The following RBM27 variants were observed in gnomAD, a reference collection of about 807,000 sequenced individuals.
RBM27 encodes the protein RNA binding motif protein 27.
RBM27 carries 22 observed loss-of-function variants against 135.3 expected under a neutral mutation model. The observed-to-expected ratio is 0.16, with a 90% CI of 0.12 to 0.23. The LOEUF (loss-of-function observed/expected upper bound fraction) is 0.23. Ranked by LOEUF, RBM27 falls within the 10% of genes least tolerant of loss-of-function variation. The pLI is 1.00. For missense variants in RBM27, 1,009 were observed against 1,281.0 expected (o/e 0.79, Z 3.24); for synonymous variants, 481 against 442.4 (o/e 1.09, Z -1.10).
chr5:146,261,566 G>A lies in RBM27; in HGVS notation c.1950G>A (p.Glu650=), dbSNP rs1758396463. 2 of 1,614,068 alleles carry A rather than the reference G, an allele frequency of 1.2e-6. No homozygotes were observed. Among genetic ancestry groups the A allele is most frequent in the Non-Finnish European group, 8.5e-7 (1 of 1,180,030 alleles). Residue 650 remains glutamate, a synonymous_variant, in exon 13 of 21, where the codon GAG becomes GAA. Coordinates refer to ENST00000265271, the MANE Select transcript of RBM27 (RefSeq NM_018989.2). ...TAATCCAATATCTTACCAATGAGGA[G>A]GCCAGGAAAGCCATTTCTAGCACAG... is the stretch of plus-strand genomic sequence containing the variant. ...AALIQYLTNE[E]ARKAISSTEA... is the part of the protein sequence containing the mutation.
chr5:146,252,897 ATAAT>A (rs1179895199), intron 9 of RBM27, among the ~76,000 whole-genome samples: 2 of 152,228 alleles, frequency 1.3e-5, no homozygotes, highest in Non-Finnish European at 2.9e-5. Flanking sequence ...AAAAGCTAAA[ATAAT>A]TAAGTATGAA....
intron 9 of RBM27, 115 bp downstream of exon 9, chr5:146,251,990 A>T: frequency 8.5e-7 from 1 of 1,179,254 alleles, no homozygotes; most frequent in Non-Finnish European, 1.2e-6. Context: ...ATTAAAGCTC[A>T]TAGGTAGTTT....
chr5:146,203,769 C>G lies in RBM27; in HGVS notation c.4C>G (p.Leu2Val). The change falls in exon 1 of 21, where the codon CTC becomes GTC. Residue 2 changes from leucine (L) to valine (V), a missense_variant. By Grantham distance (32) the Leu-to-Val change is conservative. Coordinates refer to ENST00000265271, the MANE Select transcript of RBM27 (RefSeq NM_018989.2). ...CCGAGCCCGCCTTCCCTGCACCATG[C>G]TCATAGAGGATGTGGATGCCCTCAA... Reference protein sequence around the residue: MLIEDVDALKSW... With the variant: MVIEDVDALKSW... 3.2e-6 allele frequency: 5 copies of G among 1,550,844 alleles called. No individual in the cohort carries two copies. The highest frequency in any genetic ancestry group is 4.4e-6 in the Non-Finnish European group (5 of 1,146,690).
chr5:146,263,481 G>T lies in RBM27; in HGVS notation c.2191-10G>T, dbSNP rs1758481171. ...CTTCTGCCACATAAGTGTTCATTTTGTATGTGCAGATGATGAGCAAACCAC... is the reference window on the plus strand; with the variant it reads ...CTTCTGCCACATAAGTGTTCATTTTTTATGTGCAGATGATGAGCAAACCAC... On this transcript the variant is annotated splice_polypyrimidine_tract_variant and intron_variant, in intron 13 of 20. Transcript: ENST00000265271. 1 of 1,609,598 alleles carries T rather than the reference G, an allele frequency of 6.2e-7. No individual in the cohort carries two copies. The highest frequency in any genetic ancestry group is 8.5e-7 in the Non-Finnish European group (1 of 1,177,570).
intron 2 of RBM27, among the ~76,000 whole-genome samples, chr5:146,221,726 C>T (rs931573529): frequency 1.3e-5 from 2 of 152,158 alleles, no homozygotes; most frequent in East Asian, 3.8e-4. Context: ...GCCACTGTGC[C>T]TGGCCAGAAA....
intron 1 of RBM27, among the ~76,000 whole-genome samples, chr5:146,210,852 C>T (rs1364399931): frequency 1.3e-5 from 2 of 151,666 alleles, no homozygotes; most frequent in Non-Finnish European, 2.9e-5. Context: ...GTGGCTGAGG[C>T]AGGAGAATGA....
rs767079057 is a variant in RBM27, at chr5:146,223,537, A to AT, written c.303+16dup. 16 of 1,591,994 alleles carry AT rather than the reference A, an allele frequency of 1.0e-5. No individual in the cohort carries two copies. In the African/African-American group the frequency reaches 2.2e-4, roughly 22 times the overall value. ...AGAAATTAAAGAAGAGGTAATGCAA[A>AT]TTTTTTCTCCTGCTTTTGGGGGCTT... is the stretch of plus-strand genomic sequence containing the variant. On this transcript the variant is annotated intron_variant, in intron 3 of 20. Transcript: ENST00000265271.
At chr5:146,225,495 AT>A (rs1287562681) in intron 3 of RBM27, among the ~76,000 whole-genome samples, 1 of 151,764 alleles carries the variant, frequency 6.6e-6, no homozygotes, top group East Asian at 1.9e-4. Context: ...TTCTTTCAAA[AT>A]TGGAGAGGCT....
At chr5:146,279,267 G>A (rs904213507) in intron 19 of RBM27, among the ~76,000 whole-genome samples, 1 of 151,082 alleles carries the variant, frequency 6.6e-6, no homozygotes, top group African/African-American at 2.4e-5. Flanking sequence ...GGCTGACACA[G>A]TGAAACCCCA....
At chr5:146,251,677 A>G in intron 8 of RBM27, 34 bp from the exon 9 acceptor site, 1 of 1,554,942 alleles carries the variant, frequency 6.4e-7, no homozygotes, top group Non-Finnish European at 8.9e-7. Context: ...TGTGACTCTC[A>G]TTCCCAGCTG....
intron 13 of RBM27, among the ~76,000 whole-genome samples, chr5:146,262,313 G>C (rs1758434238): frequency 6.6e-6 from 1 of 151,972 alleles, no homozygotes; most frequent in African/African-American, 2.4e-5. Flanking sequence ...AGTCTTTTTT[G>C]TGTCTACCCA....
chr5:146,203,624 C>A lies in RBM27; in HGVS notation c.-142C>A. 3 of 725,330 alleles carry A rather than the reference C, an allele frequency of 4.1e-6. No homozygotes were observed. The highest frequency in any genetic ancestry group is 4.6e-6 in the Non-Finnish European group (2 of 431,016). 44.9% of individuals were successfully genotyped at this position (725,330 alleles called of 1,614,324 possible). ...TGGGTTAGTTCCTGTTAGGCCCCGG[C>A]CGGGGGAGTAGGTTGAAGTCTCCTA... is the stretch of plus-strand genomic sequence containing the variant. On this transcript the variant is annotated 5_prime_UTR_variant, in exon 1 of 21. Transcript: ENST00000265271.
intron 8 of RBM27, among the ~76,000 whole-genome samples, chr5:146,244,595 A>G (rs1757544051): frequency 6.6e-6 from 1 of 151,194 alleles, no homozygotes; most frequent in African/African-American, 2.4e-5. Context: ...AGACTGGAGT[A>G]TGGTGGCATC....
chr5:146,214,524 G>C (rs974698078), intron 1 of RBM27, among the ~76,000 whole-genome samples: 4 of 152,166 alleles, frequency 2.6e-5, no homozygotes, highest in African/African-American at 9.7e-5. Flanking sequence ...TGGAAGTCTT[G>C]TTGAGTAGTT....
At chr5:146,238,990 T>A (rs1041916817) in intron 8 of RBM27, among the ~76,000 whole-genome samples, 2 of 152,216 alleles carry the variant, frequency 1.3e-5, no homozygotes, top group African/African-American at 4.8e-5. Flanking sequence ...TAGTAAGCTA[T>A]AAGGATTCAT....
chr5:146,260,260 C>T (rs929285673), intron 11 of RBM27, among the ~76,000 whole-genome samples: 4 of 151,212 alleles, frequency 2.6e-5, no homozygotes, highest in South Asian at 2.1e-4. Flanking sequence ...GATTGTTCCA[C>T]GGCACTCCAG....
chr5:146,210,039 A>G (rs1755867072), intron 1 of RBM27, among the ~76,000 whole-genome samples: 1 of 152,114 alleles, frequency 6.6e-6, no homozygotes, highest in Non-Finnish European at 1.5e-5. Flanking sequence ...GTTGCTACTT[A>G]CTTCCTTATT....
chr5:146,248,194 T>C (rs1411503785), intron 8 of RBM27, among the ~76,000 whole-genome samples: 1 of 151,834 alleles, frequency 6.6e-6, no homozygotes, highest in Non-Finnish European at 1.5e-5. Flanking sequence ...GATTGTCTCA[T>C]CTTTAATCAA....
chr5:146,279,620 C>T (rs1759245420), intron 19 of RBM27, among the ~76,000 whole-genome samples: 1 of 151,814 alleles, frequency 6.6e-6, no homozygotes, highest in Non-Finnish European at 1.5e-5. Context: ...CCAGCCTGGC[C>T]AACATGGCAA....
Sources: allele counts gnomAD v4.1 joint callset (sites outside exome capture counted in the v4.1 genomes callset), GRCh38; gene constraint gnomAD v4.1.1; transcripts MANE v1.5; gene names NCBI Gene and HGNC (gene_info 2026-07-23, HGNC 2026-07-21).